Variants in FHIT observed in about 807,000 individuals in gnomAD.
FHIT encodes fragile histidine triad diadenosine triphosphatase, also known as bis(5'-adenosyl)-triphosphatase.
FHIT carries 19 observed loss-of-function variants against 17.9 expected under a neutral mutation model. The observed-to-expected ratio is 1.06, with a 90% CI of 0.74 to 1.56. The LOEUF (loss-of-function observed/expected upper bound fraction) is 1.56. Among genes scored for constraint, FHIT ranks in the 40% most tolerant of loss-of-function variants. FHIT has a pLI of 0.00. For synonymous variants in FHIT, 81 were observed against 69.7 expected, an observed-to-expected ratio of 1.16 and a Z score of -0.81; for missense variants, 248 against 189.2, an observed-to-expected ratio of 1.31 and a Z score of -1.82.
At chr3:60,740,726 C>T (rs1185293486) in intron 4 of FHIT, among the ~76,000 whole-genome samples, 5 of 152,126 alleles carry the variant, frequency 3.3e-5, no homozygotes, top group Non-Finnish European at 7.3e-5. Flanking sequence ...CCAGTCCTTA[C>T]CCAGCAAAAT....
chr3:60,545,283 TCTATC>T (rs1159074267), intron 4 of FHIT, among the ~76,000 whole-genome samples: 2 of 152,180 alleles, frequency 1.3e-5, no homozygotes, highest in East Asian at 1.9e-4. Context: ...AAAAGTAAGA[TCTATC>T]CTATGAAGTT....
intron 3 of FHIT, among the ~76,000 whole-genome samples, chr3:61,012,384 A>T (rs2031842183): frequency 6.6e-6 from 1 of 152,158 alleles, no homozygotes; most frequent in South Asian, 2.1e-4. Flanking sequence ...TTGAGTTGTC[A>T]GAGGATGAAT....
chr3:61,175,910 C>A (rs1041712699), intron 2 of FHIT, among the ~76,000 whole-genome samples: 3 of 152,204 alleles, frequency 2.0e-5, no homozygotes, highest in African/African-American at 7.2e-5. Flanking sequence ...CAGCTTAAGA[C>A]AATGGATAAC....
At chr3:60,157,093 T>C (rs1007902816) in intron 5 of FHIT, among the ~76,000 whole-genome samples, 1 of 152,146 alleles carries the variant, frequency 6.6e-6, no homozygotes, top group African/African-American at 2.4e-5. Context: ...TTTATAAATA[T>C]TTTTTATTTA....
chr3:59,751,525 G>A (rs780375), intron 9 of FHIT: 2 of 215,916 alleles, frequency 9.3e-6, no homozygotes, highest in Admixed American at 5.8e-5. Flanking sequence ...GCATGAGCTC[G>A]TTAGACACTG....
At chr3:60,924,690 G>A (rs745434815) in intron 3 of FHIT, among the ~76,000 whole-genome samples, 5 of 152,228 alleles carry the variant, frequency 3.3e-5, no homozygotes, top group East Asian at 1.9e-4. Flanking sequence ...CACAAGCAAC[G>A]GAACAAAGCT....
chr3:60,903,627 T>C (rs1035601946), intron 3 of FHIT, among the ~76,000 whole-genome samples: 7 of 152,226 alleles, frequency 4.6e-5, no homozygotes, highest in African/African-American at 1.7e-4. Flanking sequence ...CTCATTAAGA[T>C]GTAGAATGTT....
At chr3:60,591,419 T>C (rs2038080070) in intron 4 of FHIT, among the ~76,000 whole-genome samples, 1 of 152,066 alleles carries the variant, frequency 6.6e-6, no homozygotes, top group Non-Finnish European at 1.5e-5. Context: ...CCTTGGTGTT[T>C]ACATTATTTG....
chr3:60,367,028 A>G (rs950578787), intron 5 of FHIT, among the ~76,000 whole-genome samples: 2 of 152,188 alleles, frequency 1.3e-5, no homozygotes, highest in African/African-American at 4.8e-5. Context: ...AGGAGAGTGA[A>G]GAAGAAGAAA....
At chr3:59,878,388 C>T (rs1016675028) in intron 8 of FHIT, among the ~76,000 whole-genome samples, 1 of 152,154 alleles carries the variant, frequency 6.6e-6, no homozygotes, top group Non-Finnish European at 1.5e-5. Context: ...GATGTACTTA[C>T]TCCAGTCTTA....
intron 4 of FHIT, among the ~76,000 whole-genome samples, chr3:60,790,470 A>G (rs1553728194): frequency 6.6e-6 from 1 of 152,208 alleles, no homozygotes; most frequent in Non-Finnish European, 1.5e-5. Flanking sequence ...CAAAAGCTGC[A>G]GTAGTCTCCT....
Position 61,011,738 on chromosome 3 carries a change from A to C in FHIT, c.-111+30309T>G, listed in dbSNP as rs942693091. 7.9e-5 allele frequency among the ~76,000 whole-genome samples: 12 copies of C among 152,312 alleles called. 1 individual carries two copies. Among genetic ancestry groups the C allele is most frequent in the African/African-American group, 2.9e-4 (12 of 41,586 alleles). ...TTTCATCTGCAAACAATTGTCAAAG[A>C]ATACATTGCTCCTGAGAAAAAAGTC... On this transcript the variant is annotated intron_variant, in intron 3 of 9. Coordinates refer to ENST00000492590, the MANE Select transcript of FHIT (RefSeq NM_002012.4).
chr3:61,242,972 C>T (rs1172190661), intron 1 of FHIT, among the ~76,000 whole-genome samples: 1 of 152,150 alleles, frequency 6.6e-6, no homozygotes, highest in Non-Finnish European at 1.5e-5. Context: ...TGCATGACTC[C>T]TAAACCATAA....
rs147108016 is a variant in FHIT, at chr3:60,092,725, G to C, written c.104-78573C>G. On this transcript the variant is annotated intron_variant, in intron 5 of 9. Transcript: ENST00000492590. ...AAGAGGGGCCAAGATATCTGAGCTA[G>C]CTGGAACAGCACAATAATAAAAATA... is the stretch of plus-strand genomic sequence containing the variant. Among the ~76,000 whole-genome samples the C allele has an allele frequency of 1.1e-3, 164 of 152,300 alleles. 2 individuals are homozygous for C. The highest frequency in any genetic ancestry group is 3.7e-3 in the Admixed American group (56 of 15,300).
intron 4 of FHIT, among the ~76,000 whole-genome samples, chr3:60,725,398 G>T (rs2041897486): frequency 1.3e-5 from 2 of 152,082 alleles, no homozygotes; most frequent in African/African-American, 4.8e-5. Context: ...CTATGGTTTT[G>T]TCTAATAATG....
At chr3:60,907,032 C>T (rs1285935719) in intron 3 of FHIT, among the ~76,000 whole-genome samples, 1 of 152,072 alleles carries the variant, frequency 6.6e-6, no homozygotes, top group Non-Finnish European at 1.5e-5. Context: ...AGGCACAAAT[C>T]ATCGATGGAC....
chr3:59,943,574 G>C (rs928655530), intron 7 of FHIT, among the ~76,000 whole-genome samples: 4 of 151,992 alleles, frequency 2.6e-5, no homozygotes, highest in African/African-American at 9.7e-5. Context: ...CTAATTACAG[G>C]GGCTACCTTA....
intron 5 of FHIT, among the ~76,000 whole-genome samples, chr3:60,504,752 T>G (rs7626208): frequency 0.44 from 67,578 of 152,058 alleles, 15,276 homozygotes; most frequent in African/African-American, 0.5. Flanking sequence ...GGATAAAATG[T>G]TTCCTTAAGG....
chr3:61,093,401 A>C (rs2035544525), intron 2 of FHIT, among the ~76,000 whole-genome samples: 1 of 152,196 alleles, frequency 6.6e-6, no homozygotes, highest in South Asian at 2.1e-4. Flanking sequence ...TCTGGCATCC[A>C]GTGGGTAGAG....
Sources: allele counts gnomAD v4.1 joint callset (sites outside exome capture counted in the v4.1 genomes callset), GRCh38; gene constraint gnomAD v4.1.1; transcripts MANE v1.5; gene names NCBI Gene and HGNC (gene_info 2026-07-23, HGNC 2026-07-21).